RBFOX2: variants seen among roughly 807,000 people sequenced by gnomAD.
The protein encoded by RBFOX2 is RNA binding protein fox-1 homolog 2.
RBFOX2 carries 10 observed loss-of-function variants against 49.1 expected under a neutral mutation model. The observed-to-expected ratio is 0.20, with a 90% CI of 0.13 to 0.35. RBFOX2 has a LOEUF of 0.35. Ranked by LOEUF, RBFOX2 falls within the 10% of genes least tolerant of loss-of-function variation. RBFOX2 has a pLI of 1.00. For synonymous variants in RBFOX2, 183 were observed against 187.4 expected (o/e 0.98, Z 0.19); for missense variants, 323 against 486.9 (o/e 0.66, Z 3.17).
chr22:35,776,592 G>T (rs557421172), intron 4 of RBFOX2, among the ~76,000 whole-genome samples: 2 of 152,286 alleles, frequency 1.3e-5, no homozygotes, highest in African/African-American at 4.8e-5. Context: ...TTTGGAGTAT[G>T]AAATTGGAGA....
At chr22:35,921,151 T>C (rs1355643216) in intron 1 of RBFOX2, among the ~76,000 whole-genome samples, 1 of 152,222 alleles carries the variant, frequency 6.6e-6, no homozygotes, top group African/African-American at 2.4e-5. Context: ...TACCACTTAT[T>C]CTATGTACGA....
intron 1 of RBFOX2, among the ~76,000 whole-genome samples, chr22:35,975,549 A>G (rs928864499): frequency 6.6e-6 from 1 of 152,200 alleles, no homozygotes; most frequent in Non-Finnish European, 1.5e-5. Flanking sequence ...CAGGTTTTCT[A>G]GGTATTTCCT....
chr22:35,887,387 G>C (rs2046710993), intron 1 of RBFOX2, among the ~76,000 whole-genome samples: 1 of 152,054 alleles, frequency 6.6e-6, no homozygotes. Context: ...CCACGCCCTG[G>C]AGGTCATGGG....
chr22:35,993,987 AAAACAAAAAAAC>A (rs1306633200), intron 1 of RBFOX2: 2 of 152,156 alleles, frequency 1.3e-5, no homozygotes, highest in Admixed American at 1.3e-4. Context: ...ACTGTCTCGA[AAAACAAAAAAAC>A]AAACAAAAAA....
At chr22:35,813,968 T>C (rs746375622) in intron 1 of RBFOX2, among the ~76,000 whole-genome samples, 1 of 152,234 alleles carries the variant, frequency 6.6e-6, no homozygotes. Context: ...GCTTGTGCTT[T>C]ATGCACTTAA....
intron 1 of RBFOX2, among the ~76,000 whole-genome samples, chr22:35,868,066 G>A: frequency 6.6e-6 from 1 of 151,888 alleles, no homozygotes; most frequent in Admixed American, 6.6e-5. Flanking sequence ...CAAAAAATTA[G>A]CTGGGTGTGG....
chr22:35,856,394 TTC>T (rs1204978525), intron 1 of RBFOX2, among the ~76,000 whole-genome samples: 1 of 152,200 alleles, frequency 6.6e-6, no homozygotes, highest in Non-Finnish European at 1.5e-5. Flanking sequence ...TCCTGTTTTC[TTC>T]TCTCTTTTTC....
chr22:36,009,697 C>A (rs2058742719), intron 1 of RBFOX2, among the ~76,000 whole-genome samples: 1 of 152,084 alleles, frequency 6.6e-6, no homozygotes. Context: ...ACAGAAAGGG[C>A]CCTCTTAACC....
intron 1 of RBFOX2, among the ~76,000 whole-genome samples, chr22:35,825,926 G>A (rs1603315882): frequency 7.0e-6 from 1 of 141,904 alleles, no homozygotes; most frequent in South Asian, 2.2e-4. Context: ...AGGTTGCAGT[G>A]AGCCACGATC....
intron 1 of RBFOX2, chr22:35,897,388 C>T (rs905047920): frequency 3.8e-6 from 4 of 1,062,380 alleles, no homozygotes; most frequent in Non-Finnish European, 5.9e-6. Context: ...ATACCAAGGT[C>T]TTCTAAGCTG....
intron 1 of RBFOX2, among the ~76,000 whole-genome samples, chr22:35,901,890 T>A (rs2048620362): frequency 6.6e-6 from 1 of 152,116 alleles, no homozygotes; most frequent in Non-Finnish European, 1.5e-5. Context: ...AAGACCAGCC[T>A]GGCCAACATG....
intron 1 of RBFOX2, among the ~76,000 whole-genome samples, chr22:35,915,941 G>C (rs1437535595): frequency 6.6e-6 from 1 of 152,172 alleles, no homozygotes; most frequent in East Asian, 1.9e-4. Flanking sequence ...AAGTGGCAGA[G>C]GCTCCGTATG....
chr22:35,978,883 T>C (rs78197525), intron 1 of RBFOX2, among the ~76,000 whole-genome samples: 2 of 151,838 alleles, frequency 1.3e-5, no homozygotes, highest in Non-Finnish European at 2.9e-5. Context: ...CAGGAAAGAG[T>C]AGTCAATAGC....
At chr22:35,855,582 CT>C (rs1253689229) in intron 1 of RBFOX2, among the ~76,000 whole-genome samples, 1 of 152,004 alleles carries the variant, frequency 6.6e-6, no homozygotes, top group African/African-American at 2.4e-5. Context: ...ATTTTTTCAA[CT>C]TTTTTTGTAG....
At chr22:36,005,949 A>G (rs1474350185) in intron 1 of RBFOX2, among the ~76,000 whole-genome samples, 1 of 152,208 alleles carries the variant, frequency 6.6e-6, no homozygotes, top group African/African-American at 2.4e-5. Context: ...CCTCTCTCAT[A>G]ACTCAGAAGC....
intron 1 of RBFOX2, among the ~76,000 whole-genome samples, chr22:35,862,705 A>T (rs2043233881): frequency 6.6e-6 from 1 of 152,212 alleles, no homozygotes; most frequent in African/African-American, 2.4e-5. Flanking sequence ...CTGTTAAGCC[A>T]GGCTACTTGA....
intron 1 of RBFOX2, among the ~76,000 whole-genome samples, chr22:36,011,323 A>G (rs548436708): frequency 3.9e-5 from 6 of 152,282 alleles, no homozygotes; most frequent in East Asian, 1.9e-4. Flanking sequence ...TGAAAAAACA[A>G]GAGATGTAGA....
chr22:35,931,334 G>C (rs533636982), intron 1 of RBFOX2, among the ~76,000 whole-genome samples: 145 of 143,318 alleles, frequency 1.0e-3, no homozygotes, highest in Non-Finnish European at 2.0e-3. Flanking sequence ...AAAAAAAAAA[G>C]AGGATCAGAA....
At chr22:35,914,947 A>C (rs2050241692) in intron 1 of RBFOX2, among the ~76,000 whole-genome samples, 1 of 152,246 alleles carries the variant, frequency 6.6e-6, no homozygotes. Flanking sequence ...AAATGCAAAA[A>C]GACAGTTTAA....
Sources: gnomAD v4.1 joint callset for allele counts (sites outside exome capture counted in the v4.1 genomes callset) on GRCh38, gnomAD v4.1.1 for gene constraint, MANE v1.5 for transcripts, NCBI Gene and HGNC (gene_info 2026-07-23, HGNC 2026-07-21) for gene names.